The following GPHN variants were observed in gnomAD, a reference collection of about 807,000 sequenced individuals.
GPHN encodes the protein gephyrin.
Under a neutral mutation model 95.5 loss-of-function variants are expected in GPHN, and 17 were observed. The observed-to-expected ratio is 0.18, with a 90% CI of 0.12 to 0.27. The LOEUF is 0.27. Ranked by LOEUF, GPHN falls within the 10% of genes least tolerant of loss-of-function variation. The pLI is 1.00. For missense variants in GPHN, 660 were observed against 978.1 expected, an observed-to-expected ratio of 0.67 and a Z score of 4.34; for synonymous variants, 320 against 322.5, an observed-to-expected ratio of 0.99 and a Z score of 0.08.
At chr14:67,070,715 A>AAAAAAAAAAAATATATATATATATAT in intron 11 of GPHN, among the ~76,000 whole-genome samples, 13 of 80,650 alleles carry the variant, frequency 1.6e-4, no homozygotes, top group African/African-American at 1.0e-3. Flanking sequence ...AAAAAAAAAA[A>AAAAAAAAAAAATATATATATATATAT]ATATATATAT....
At chr14:67,701,879 A>G in the GPHN span, 1 of 152,238 alleles carries the variant, frequency 6.6e-6, no homozygotes, top group East Asian at 1.9e-4. Flanking sequence ...TCGTAACCTC[A>G]ACTCCTGGGC....
chr14:67,725,287 A>G, the GPHN span: 1 of 1,611,052 alleles, frequency 6.2e-7, no homozygotes, highest in Non-Finnish European at 8.5e-7. Flanking sequence ...GAAAAGCAGG[A>G]AATTGGGTAT....
At chr14:67,055,096 G>C (rs2075495121) in intron 10 of GPHN, among the ~76,000 whole-genome samples, 1 of 152,280 alleles carries the variant, frequency 6.6e-6, no homozygotes, top group South Asian at 2.1e-4. Context: ...ATTGACAAAT[G>C]AGATCTAATT....
At chr14:66,955,693 A>T (rs898288592) in intron 8 of GPHN, among the ~76,000 whole-genome samples, 1 of 151,980 alleles carries the variant, frequency 6.6e-6, no homozygotes, top group African/African-American at 2.4e-5. Flanking sequence ...TCCTAATGCT[A>T]TCCCTCCCCC....
At chr14:67,735,087 A>G in the GPHN span, 7 of 732,638 alleles carry the variant, frequency 9.6e-6, no homozygotes, top group African/African-American at 1.2e-4. Flanking sequence ...AATATCGGGA[A>G]GCTGAGCAGC....
chr14:67,649,956 G>A, the GPHN span: 1 of 152,332 alleles, frequency 6.6e-6, no homozygotes, highest in African/African-American at 2.4e-5. Context: ...AGGTTCTTCT[G>A]GTTTAAGCTT....
chr14:67,434,405 C>T, the GPHN span, among the ~76,000 whole-genome samples: 22,242 of 152,164 alleles, frequency 0.15, 2,620 homozygotes, highest in African/African-American at 0.32. Context: ...AAAGTGTTTG[C>T]TGCAGTATTA....
the GPHN span, among the ~76,000 whole-genome samples, chr14:67,286,855 CAAAAAAAAAAAAAAAAA>C: frequency 1.5e-5 from 1 of 67,228 alleles, no homozygotes; most frequent in South Asian, 4.7e-4. Flanking sequence ...GACCTGGTCT[CAAAAAAAAAAAAAAAAA>C]AAGAAAAAAA....
At chr14:66,638,874 A>G (rs1214287048) in intron 1 of GPHN, among the ~76,000 whole-genome samples, 2 of 152,132 alleles carry the variant, frequency 1.3e-5, no homozygotes, top group Non-Finnish European at 2.9e-5. Context: ...CAGATGACAC[A>G]TTCCAAGATG....
At chr14:67,483,900 AG>A in the GPHN span, among the ~76,000 whole-genome samples, 1 of 152,228 alleles carries the variant, frequency 6.6e-6, no homozygotes, top group African/African-American at 2.4e-5. Context: ...AGCAAACCGC[AG>A]CAGGAGGCAG....
the GPHN span, chr14:67,360,054 C>A: frequency 2.3e-6 from 1 of 434,406 alleles, no homozygotes; most frequent in Non-Finnish European, 4.1e-6. Flanking sequence ...CACGCCTTGT[C>A]TTTCTCCACC....
At chr14:66,675,422 G>C (rs1595501491) in intron 1 of GPHN, among the ~76,000 whole-genome samples, 1 of 152,076 alleles carries the variant, frequency 6.6e-6, no homozygotes, top group Non-Finnish European at 1.5e-5. Context: ...GGGATGACAG[G>C]TGTGAACCAC....
At chr14:67,328,612 T>G in the GPHN span, among the ~76,000 whole-genome samples, 1 of 152,198 alleles carries the variant, frequency 6.6e-6, no homozygotes, top group Non-Finnish European at 1.5e-5. Flanking sequence ...TGGTTTTAGG[T>G]CTAACATTTA....
the GPHN span, among the ~76,000 whole-genome samples, chr14:67,721,742 T>TATATATATATATATATGTATAACAC: frequency 0.052 from 49 of 944 alleles, no homozygotes; most frequent in Admixed American, 0.35. Context: ...AGTGGGGATA[T>TATATATATATATATATGTATAACAC]ATATATATAT....
the GPHN span, chr14:67,271,667 C>G: frequency 6.6e-6 from 1 of 152,206 alleles, no homozygotes; most frequent in African/African-American, 2.4e-5. Context: ...GATGTAGTGA[C>G]ATTAGTTAGA....
chr14:67,431,404 A>C, the GPHN span, among the ~76,000 whole-genome samples: 42,110 of 146,334 alleles, frequency 0.29, 7,144 homozygotes, highest in Middle Eastern at 0.38. Context: ...AAAAAAAAAA[A>C]AAAAAAAAAA....
the GPHN span, among the ~76,000 whole-genome samples, chr14:67,243,651 C>G: frequency 1.3e-5 from 2 of 151,742 alleles, no homozygotes; most frequent in Non-Finnish European, 2.9e-5. Context: ...CGCCACCACG[C>G]CTGCTAATTT....
the GPHN span, among the ~76,000 whole-genome samples, chr14:67,344,397 T>G: frequency 1.3e-5 from 2 of 152,224 alleles, no homozygotes; most frequent in African/African-American, 2.4e-5. Context: ...GAGTTGACAC[T>G]ATTATAATTT....
At chr14:66,986,547 T>C (rs970098096) in intron 9 of GPHN, among the ~76,000 whole-genome samples, 1 of 152,164 alleles carries the variant, frequency 6.6e-6, no homozygotes, top group Non-Finnish European at 1.5e-5. Flanking sequence ...ATCACTCTTA[T>C]GAAACACAGA....
Sources: allele counts gnomAD v4.1 joint callset (sites outside exome capture counted in the v4.1 genomes callset), GRCh38; gene constraint gnomAD v4.1.1; transcripts MANE v1.5; gene names NCBI Gene and HGNC (gene_info 2026-07-23, HGNC 2026-07-21).